REPS1: variants seen among roughly 807,000 people sequenced by gnomAD.
REPS1 encodes the protein ralBP1-associated Eps domain-containing protein 1.
Under a neutral mutation model 100.9 loss-of-function variants are expected in REPS1, and 39 were observed. That is an observed-to-expected ratio of 0.39 (90% CI 0.30 to 0.50). The LOEUF (loss-of-function observed/expected upper bound fraction) is 0.50, where lower values mean the gene tolerates loss of function less well. Among genes scored for constraint, REPS1 ranks in the 20% least tolerant of loss-of-function variants. The pLI, the probability that REPS1 is intolerant of heterozygous loss-of-function variation, is 0.86. For missense variants in REPS1, 821 were observed against 968.5 expected, an observed-to-expected ratio of 0.85 and a Z score of 2.02; for synonymous variants, 324 against 340.3, an observed-to-expected ratio of 0.95 and a Z score of 0.53.
chr6:138,923,887 G>A (rs1780937230), intron 10 of REPS1, among the ~76,000 whole-genome samples: 2 of 152,024 alleles, frequency 1.3e-5, no homozygotes, highest in African/African-American at 4.8e-5. Flanking sequence ...AATACTGTAA[G>A]AAATGTTAAA....
At chr6:138,929,933 A>G (rs1475793418) in intron 9 of REPS1, 44 bp downstream of exon 9, 1 of 1,604,056 alleles carries the variant, frequency 6.2e-7, no homozygotes, top group South Asian at 1.1e-5. Flanking sequence ...ATCTTACCTT[A>G]AAAGAGTTAA....
chr6:138,952,978 C>T (rs1168699626), intron 1 of REPS1, among the ~76,000 whole-genome samples: 2 of 151,896 alleles, frequency 1.3e-5, no homozygotes, highest in East Asian at 1.9e-4. Context: ...GCTGGGATTA[C>T]AGGCACGTGC....
chr6:138,960,041 A>C (rs1180494024), intron 1 of REPS1, among the ~76,000 whole-genome samples: 1 of 152,186 alleles, frequency 6.6e-6, no homozygotes, highest in East Asian at 1.9e-4. Flanking sequence ...TGTATTCCAA[A>C]CAACACCAGT....
chr6:138,935,382 T>C (rs973712468), intron 8 of REPS1, among the ~76,000 whole-genome samples: 3 of 152,164 alleles, frequency 2.0e-5, no homozygotes, highest in African/African-American at 7.2e-5. Context: ...TCAAAGAATA[T>C]TACCTACAAT....
chr6:138,944,078 G>C (rs2128474100), intron 5 of REPS1, 63 bp from the exon 6 acceptor site: 1 of 1,455,868 alleles, frequency 6.9e-7, no homozygotes, highest in African/African-American at 1.4e-5. Flanking sequence ...GACCAAGATT[G>C]CTAGGTTATT....
At chr6:138,922,561 G>A (rs1780848152) in intron 10 of REPS1, among the ~76,000 whole-genome samples, 1 of 152,126 alleles carries the variant, frequency 6.6e-6, no homozygotes, top group African/African-American at 2.4e-5. Flanking sequence ...AAAAAGAGAG[G>A]TGTACCTAGG....
chr6:138,938,017 TA>T (rs1159618440), intron 8 of REPS1, among the ~76,000 whole-genome samples: 1 of 151,664 alleles, frequency 6.6e-6, no homozygotes, highest in Non-Finnish European at 1.5e-5. Flanking sequence ...TTTTTTTTTT[TA>T]AAGAAGACAA....
At chr6:138,968,351 C>T (rs925781899) in intron 1 of REPS1, among the ~76,000 whole-genome samples, 14 of 152,188 alleles carry the variant, frequency 9.2e-5, no homozygotes, top group African/African-American at 3.4e-4. Flanking sequence ...TTCTTTAATA[C>T]AATCCTCAAA....
intron 1 of REPS1, among the ~76,000 whole-genome samples, chr6:138,954,236 A>G (rs906281582): frequency 2.0e-5 from 3 of 152,130 alleles, no homozygotes; most frequent in Non-Finnish European, 4.4e-5. Context: ...TGACAACTAG[A>G]TAGGAGGAAT....
intron 9 of REPS1, chr6:138,928,862 A>G (rs988387220): frequency 6.6e-6 from 1 of 152,200 alleles, no homozygotes; most frequent in African/African-American, 2.4e-5. Flanking sequence ...TAATCCCTTC[A>G]TCTAGAAAAA....
At chr6:138,943,819 C>A in intron 6 of REPS1, 34 bp downstream of exon 6, 1 of 1,575,032 alleles carries the variant, frequency 6.3e-7, no homozygotes, top group South Asian at 1.1e-5. Context: ...TTCTCCTGTC[C>A]CATCTAGAAG....
chr6:138,933,122 G>A (rs1305151645), intron 8 of REPS1, among the ~76,000 whole-genome samples: 2 of 152,182 alleles, frequency 1.3e-5, no homozygotes, highest in African/African-American at 4.8e-5. Flanking sequence ...TTTCCACACT[G>A]CAAGTAACCT....
At chr6:138,911,980 A>G (rs1780043747) in intron 16 of REPS1, among the ~76,000 whole-genome samples, 2 of 152,154 alleles carry the variant, frequency 1.3e-5, no homozygotes, top group African/African-American at 4.8e-5. Context: ...GCATCCACCC[A>G]GGGGAGTGAG....
At chr6:138,913,208 AG>A (rs1780127337) in intron 15 of REPS1, among the ~76,000 whole-genome samples, 1 of 152,216 alleles carries the variant, frequency 6.6e-6, no homozygotes, top group Non-Finnish European at 1.5e-5. Context: ...TGTATTGCAA[AG>A]AAAGTACAAT....
chr6:138,914,450 TC>T (rs1281601924), intron 15 of REPS1, among the ~76,000 whole-genome samples: 1 of 152,186 alleles, frequency 6.6e-6, no homozygotes, highest in Non-Finnish European at 1.5e-5. Context: ...CATTGTTGTT[TC>T]CACTAAACTC....
In REPS1 at chr6:138,912,825, A is replaced by T; in HGVS notation, c.1911T>A (p.Ala637=). The T allele has an allele frequency of 6.2e-7, 1 of 1,614,178 alleles. No homozygotes were observed. Among genetic ancestry groups the T allele is most frequent in the African/African-American group, 1.3e-5 (1 of 75,038 alleles). Residue 637 remains alanine, a synonymous_variant, in exon 16 of 20, where the codon GCT becomes GCA. Coordinates refer to ENST00000450536, the MANE Select transcript of REPS1 (RefSeq NM_001286611.2). ...CTTGTTCGTCGTTTACATTTGATGCAGCAAATACTTCAAACTGACTGAAAT... is the reference window on the plus strand; with the variant it reads ...CTTGTTCGTCGTTTACATTTGATGCTGCAAATACTTCAAACTGACTGAAAT... ...FADFSQFEVF[A]ASNVNDEQDD...
chr6:138,956,061 T>C (rs1403996276), intron 1 of REPS1, among the ~76,000 whole-genome samples: 2 of 152,154 alleles, frequency 1.3e-5, no homozygotes, highest in Non-Finnish European at 2.9e-5. Context: ...CCTTTATGCA[T>C]TAATATGAGT....
intron 15 of REPS1, among the ~76,000 whole-genome samples, chr6:138,913,770 C>T (rs1780173395): frequency 6.6e-6 from 1 of 152,148 alleles, no homozygotes; most frequent in Non-Finnish European, 1.5e-5. Flanking sequence ...AACTTGTTTT[C>T]CCCTGAGGAA....
At position 138,945,240 on chromosome 6, in the gene REPS1, G is replaced by A; in HGVS notation, c.607C>T (p.Pro203Ser). The change falls in exon 4 of 20, where the codon CCC becomes TCC. Residue 203 changes from proline (P) to serine (S), a missense_variant. Pro to Ser is a moderately conservative substitution (Grantham distance 74). This residue lies in a region of REPS1 where 757 missense variants were observed against 866.4 expected (regional missense o/e 0.87). Coordinates refer to ENST00000450536, the MANE Select transcript of REPS1 (RefSeq NM_001286611.2). ...PLAGPGPFWSPFGEAQSGSSA... is the reference protein window; with the variant it reads ...PLAGPGPFWSSFGEAQSGSSA... Reference sequence around the variant, plus strand: ...ATACCTGATTGTGCTTCACCAAAGGGAGACCAAAATGGCCCAGGTCCCGCG... The same window carrying A: ...ATACCTGATTGTGCTTCACCAAAGGAAGACCAAAATGGCCCAGGTCCCGCG... 6.2e-7 allele frequency: 1 copy of A among 1,609,548 alleles called. No individual in the cohort carries two copies. The highest frequency in any genetic ancestry group is 1.1e-5 in the South Asian group (1 of 90,408).
Sources: gnomAD v4.1 joint callset for allele counts (sites outside exome capture counted in the v4.1 genomes callset) on GRCh38, gnomAD v4.1.1 for gene constraint, gnomAD v4.1.1 regional missense constraint, MANE v1.5 for transcripts, NCBI Gene and HGNC (gene_info 2026-07-23, HGNC 2026-07-21) for gene names.